RAPGEF4: variants seen among roughly 807,000 people sequenced by gnomAD.
RAPGEF4 encodes Rap guanine nucleotide exchange factor 4.
Under a neutral mutation model 147.9 loss-of-function variants are expected in RAPGEF4, and 66 were observed. The ratio of observed to expected loss-of-function variants is 0.45; its 90% CI spans 0.37 to 0.55. RAPGEF4 has a LOEUF of 0.55. Among genes scored for constraint, RAPGEF4 ranks in the 20% least tolerant of loss-of-function variants. The pLI is 0.00. For synonymous variants in RAPGEF4, 419 were observed against 442.7 expected, an observed-to-expected ratio of 0.95 and a Z score of 0.67; for missense variants, 1,071 against 1,257.3, an observed-to-expected ratio of 0.85 and a Z score of 2.24.
At chr2:172,817,018 A>C (rs1688576751) in intron 4 of RAPGEF4, among the ~76,000 whole-genome samples, 1 of 152,258 alleles carries the variant, frequency 6.6e-6, no homozygotes, top group Non-Finnish European at 1.5e-5. Context: ...CACATGCAGT[A>C]CATGATAATC....
chr2:172,905,638 T>A (rs975965220), intron 4 of RAPGEF4, among the ~76,000 whole-genome samples: 3 of 152,222 alleles, frequency 2.0e-5, no homozygotes, highest in African/African-American at 7.2e-5. Context: ...GGGGCTCTTA[T>A]GTGATTCAGG....
intron 29 of RAPGEF4, among the ~76,000 whole-genome samples, chr2:173,039,473 A>AG (rs1374943152): frequency 6.6e-6 from 1 of 151,922 alleles, no homozygotes; most frequent in East Asian, 1.9e-4. Context: ...AAAAAAAAAA[A>AG]AAAAGTTCAA....
intron 6 of RAPGEF4, among the ~76,000 whole-genome samples, chr2:172,950,704 A>C (rs1435149366): frequency 1.3e-5 from 2 of 152,252 alleles, no homozygotes; most frequent in African/African-American, 4.8e-5. Context: ...ATAAATTATA[A>C]GTATTTGATT....
intron 4 of RAPGEF4, among the ~76,000 whole-genome samples, chr2:172,845,331 G>A (rs556510693): frequency 8.8e-4 from 134 of 152,308 alleles, no homozygotes; most frequent in South Asian, 4.1e-3. Flanking sequence ...AGGAAGCAAC[G>A]CCTAATGAGA....
intron 4 of RAPGEF4, among the ~76,000 whole-genome samples, chr2:172,847,657 G>A (rs936370348): frequency 6.6e-6 from 1 of 152,176 alleles, no homozygotes; most frequent in African/African-American, 2.4e-5. Context: ...CTTTATTGGT[G>A]GCCAGTACTG....
intron 23 of RAPGEF4, among the ~76,000 whole-genome samples, chr2:173,024,218 A>ATT (rs5836398): frequency 1.3e-4 from 18 of 137,524 alleles, no homozygotes; most frequent in African/African-American, 4.3e-4. Context: ...TTTTTTTATT[A>ATT]TTTTTTTTTT....
intron 4 of RAPGEF4, among the ~76,000 whole-genome samples, chr2:172,818,579 G>A (rs1688740474): frequency 6.6e-6 from 1 of 152,104 alleles, no homozygotes; most frequent in African/African-American, 2.4e-5. Flanking sequence ...TCATTTCATG[G>A]CAGGCGCTCT....
chr2:172,780,533 T>C (rs1285771583), intron 1 of RAPGEF4, among the ~76,000 whole-genome samples: 2 of 152,194 alleles, frequency 1.3e-5, no homozygotes, highest in Non-Finnish European at 2.9e-5. Flanking sequence ...GACACCTTTG[T>C]AAATTTATGT....
At chr2:172,875,329 A>G (rs1182645861) in intron 4 of RAPGEF4, among the ~76,000 whole-genome samples, 3 of 152,114 alleles carry the variant, frequency 2.0e-5, no homozygotes, top group Non-Finnish European at 2.9e-5. Flanking sequence ...GCCCATGCCT[A>G]TGTCCTGAAT....
intron 10 of RAPGEF4, among the ~76,000 whole-genome samples, chr2:172,978,559 G>T (rs766693313): frequency 6.6e-6 from 1 of 152,222 alleles, no homozygotes; most frequent in African/African-American, 2.4e-5. Context: ...ACTACTGAGT[G>T]TGACAGGCGT....
chr2:172,883,912 C>A (rs1250845285), intron 4 of RAPGEF4, among the ~76,000 whole-genome samples: 2 of 152,084 alleles, frequency 1.3e-5, no homozygotes, highest in Non-Finnish European at 2.9e-5. Context: ...AAAGAACAAA[C>A]CATATATAAA....
intron 9 of RAPGEF4, among the ~76,000 whole-genome samples, chr2:172,966,770 A>G (rs1689883568): frequency 6.6e-6 from 1 of 152,214 alleles, no homozygotes; most frequent in Non-Finnish European, 1.5e-5. Context: ...CTAATTTTAT[A>G]CTAACATTTT....
At chr2:172,965,749 G>T in intron 9 of RAPGEF4, 66 bp downstream of exon 9, 1 of 1,597,386 alleles carries the variant, frequency 6.3e-7, no homozygotes, top group Admixed American at 1.7e-5. Flanking sequence ...TGGGTAAGTA[G>T]TTGCTGAACT....
chr2:172,794,615 AT>A (rs1036664712), intron 1 of RAPGEF4, among the ~76,000 whole-genome samples: 1 of 152,052 alleles, frequency 6.6e-6, no homozygotes, highest in African/African-American at 2.4e-5. Context: ...TTTCTTAGAG[AT>A]TTTTTTCCCT....
In RAPGEF4 at chr2:172,980,265, C is replaced by T. The variant is rs151292045; in HGVS notation, c.1005-3231C>T. Reference sequence around the variant, plus strand: ...GGAGCGTTGTGTGATGAAGAGGGAGCACTTCTAGATAGATTAAGCTGGTGG... The same window carrying T: ...GGAGCGTTGTGTGATGAAGAGGGAGTACTTCTAGATAGATTAAGCTGGTGG... On this transcript the variant is annotated intron_variant, in intron 10 of 30. Transcript: ENST00000397081. Among the ~76,000 whole-genome samples, 36 of 152,112 alleles carry T rather than the reference C, an allele frequency of 2.4e-4. 1 individual carries two copies. In the East Asian group the frequency reaches 6.0e-3, roughly 25 times the overall value.
intron 4 of RAPGEF4, 197 bp downstream of exon 4, chr2:172,814,622 AT>A: frequency 3.3e-6 from 2 of 615,340 alleles, no homozygotes; most frequent in South Asian, 3.8e-5. Flanking sequence ...TTTTTGTTTA[AT>A]TTAGTGCTTG....
intron 6 of RAPGEF4, among the ~76,000 whole-genome samples, chr2:172,930,678 A>G (rs1018938487): frequency 4.6e-5 from 7 of 152,182 alleles, no homozygotes; most frequent in Non-Finnish European, 7.3e-5. Context: ...TAAATTTGAT[A>G]AGAATGTTTT....
intron 10 of RAPGEF4, among the ~76,000 whole-genome samples, chr2:172,978,871 A>T (rs1223986052): frequency 6.6e-6 from 1 of 152,212 alleles, no homozygotes; most frequent in African/African-American, 2.4e-5. Context: ...TGCATGTTAA[A>T]ATATCTTTTC....
At chr2:173,034,873 A>AAC (rs34646146) in intron 27 of RAPGEF4, among the ~76,000 whole-genome samples, 1,666 of 140,924 alleles carry the variant, frequency 0.012, 24 homozygotes, top group African/African-American at 0.035. Flanking sequence ...ACCCCGTCTC[A>AAC]ACACACACAC....
Sources: gnomAD v4.1 joint callset for allele counts (sites outside exome capture counted in the v4.1 genomes callset) on GRCh38, gnomAD v4.1.1 for gene constraint, MANE v1.5 for transcripts, NCBI Gene and HGNC (gene_info 2026-07-23, HGNC 2026-07-21) for gene names.